PCDHGA5: variants seen among roughly 807,000 people sequenced by gnomAD.
The protein encoded by PCDHGA5 is protocadherin gamma-A5.
A neutral mutation model predicts 56.7 loss-of-function variants in PCDHGA5; 36 were observed. The ratio of observed to expected loss-of-function variants is 0.64; its 90% confidence interval spans 0.49 to 0.84. The LOEUF (loss-of-function observed/expected upper bound fraction) is 0.84, where lower values mean the gene tolerates loss of function less well. Among genes scored for constraint, PCDHGA5 ranks in the 40% least tolerant of loss-of-function variants. The probability of loss-of-function intolerance (pLI) is 0.00; values close to 1 mark genes in which losing one functional copy is unlikely to be tolerated. For missense variants in PCDHGA5, 1,305 were observed against 1,201.5 expected (o/e 1.09, Z -1.27); for synonymous variants, 563 against 520.2 (o/e 1.08, Z -1.12).
chr5:141,392,768 T>C lies in PCDHGA5; in HGVS notation c.2421+26017T>C, dbSNP rs754714050. The C allele has an allele frequency of 1.9e-5, 29 of 1,507,388 alleles. No homozygotes were observed. In the Middle Eastern group the frequency reaches 7.0e-4, roughly 37 times the overall value. 93.4% of individuals were successfully genotyped at this position (1,507,388 alleles called of 1,614,324 possible). On this transcript the variant is annotated intron_variant, in intron 1 of 3. Coordinates refer to ENST00000518069, the MANE Select transcript of PCDHGA5 (RefSeq NM_018918.3). ...GCGGCAAGAAACTAAATAAGACCCA[T>C]TTATGCACAGTGAAGATTCTGAGAG...
rs1167295957 is a variant in PCDHGA5 at position 141,382,977 on chromosome 5, CT to C, written c.2421+16227del. On this transcript the variant is annotated intron_variant, in intron 1 of 3. Coordinates refer to ENST00000518069, the MANE Select transcript of PCDHGA5 (RefSeq NM_018918.3). Reference sequence around the variant, plus strand: ...TCCTCCTGGGGACCCCCTGGGAAGCCTGGGCAGGACGTATTCTCTACTCCGT... The same window carrying C: ...TCCTCCTGGGGACCCCCTGGGAAGCCGGGCAGGACGTATTCTCTACTCCGT... The C allele has an allele frequency of 4.3e-6, 7 of 1,610,566 alleles. No homozygotes were observed. The South Asian group carries it at 7.7e-5, about 18-fold the overall frequency.
Position 141,420,043 on chromosome 5 carries a change from G to T in PCDHGA5, c.2421+53292G>T, listed in dbSNP as rs747553514. On this transcript the variant is annotated intron_variant, in intron 1 of 3. Coordinates refer to ENST00000518069, the MANE Select transcript of PCDHGA5 (RefSeq NM_018918.3). ...GCCCTACTGCAGGAGACTGCTTTGAGTCAGTTCTCTGCTCCAAGTCCGGAC... is the reference window on the plus strand; with the variant it reads ...GCCCTACTGCAGGAGACTGCTTTGATTCAGTTCTCTGCTCCAAGTCCGGAC... The T allele has an allele frequency of 1.9e-6, 3 of 1,614,078 alleles. No individual in the cohort carries two copies. In the Admixed American group the frequency reaches 5.0e-5, roughly 27 times the overall value.
At chr5:141,471,422 A>T (rs919676109) in intron 1 of PCDHGA5, 5 of 152,176 alleles carry the variant, frequency 3.3e-5, no homozygotes, top group Non-Finnish European at 5.9e-5. Context: ...GTTTTTAGCA[A>T]GGAAAGTGTA....
chr5:141,510,359 T>A (rs1229932307), intron 3 of PCDHGA5, among the ~76,000 whole-genome samples: 3 of 143,318 alleles, frequency 2.1e-5, no homozygotes, highest in African/African-American at 7.7e-5. Flanking sequence ...CTAACGGAAC[T>A]ACCGAATCTC....
At position 141,510,973 on chromosome 5, in the gene PCDHGA5, G is replaced by A. The variant is rs1448442252; in HGVS notation, c.2596G>A (p.Gly866Arg). 2 of 1,614,042 alleles carry A rather than the reference G, an allele frequency of 1.2e-6. No individual in the cohort carries two copies. Among genetic ancestry groups the A allele is most frequent in the East Asian group, 2.2e-5 (1 of 44,894 alleles). ...AGCTGCTGATGGGAGCTCCACCCTG[G>A]GAGGGGGTGCCGGCACCATGGGATT... ...SEAADGSSTL[G>R]GGAGTMGLSA... Residue 866 changes from glycine (G) to arginine (R), a missense_variant, in exon 4 of 4, where the codon GGA (glycine) becomes AGA (arginine). Gly to Arg is a moderately radical substitution (Grantham distance 125). Transcript: ENST00000518069.
In PCDHGA5 at chr5:141,493,211, G is replaced by C. The variant is rs1312763933; in HGVS notation, c.2422-1596G>C. Reference sequence around the variant, plus strand: ...CTCCTTTGAGAACCTCATCTCATTTGCTCTTCCCACCATTGCTGTTGGCTA... The same window carrying C: ...CTCCTTTGAGAACCTCATCTCATTTCCTCTTCCCACCATTGCTGTTGGCTA... On this transcript the variant is annotated intron_variant, in intron 1 of 3. Transcript: ENST00000518069. The surrounding 1 kb of genome is among the most constrained non-coding windows in gnomAD (Gnocchi z 4.3). 6.6e-6 allele frequency among the ~76,000 whole-genome samples: 1 copy of C among 152,180 alleles called. No individual in the cohort carries two copies. The highest frequency in any genetic ancestry group is 2.4e-5 in the African/African-American group (1 of 41,436).
chr5:141,375,542 G>GTC (rs767363908), intron 1 of PCDHGA5: 3 of 1,613,976 alleles, frequency 1.9e-6, no homozygotes, highest in Non-Finnish European at 2.5e-6. Flanking sequence ...GAACGCCCAA[G>GTC]TCTCCTACTC....
chr5:141,452,914 TAAGA>T (rs1164409830), intron 1 of PCDHGA5, among the ~76,000 whole-genome samples: 1 of 152,226 alleles, frequency 6.6e-6, no homozygotes, highest in African/African-American at 2.4e-5. Flanking sequence ...CATTATACAG[TAAGA>T]AAGAGCTGCT....
intron 1 of PCDHGA5, among the ~76,000 whole-genome samples, chr5:141,461,756 C>T (rs887460069): frequency 6.6e-6 from 1 of 151,832 alleles, no homozygotes; most frequent in Non-Finnish European, 1.5e-5. Flanking sequence ...CAGATTCAAG[C>T]GATTCTCCTG....
chr5:141,366,886 T>A (rs1332420618), intron 1 of PCDHGA5, 135 bp downstream of exon 1: 16 of 1,296,860 alleles, frequency 1.2e-5, no homozygotes, highest in South Asian at 4.5e-5. Flanking sequence ...TAATTTTTTT[T>A]ATATAATTCA....
Position 141,394,702 on chromosome 5 carries a change from G to A in PCDHGA5, c.2421+27951G>A, listed in dbSNP as rs1246576971. On this transcript the variant is annotated intron_variant, in intron 1 of 3. Coordinates refer to ENST00000518069, the MANE Select transcript of PCDHGA5 (RefSeq NM_018918.3). Reference sequence around the variant, plus strand: ...CACACGGGCGAGGTGCGCACGGCGCGAGCCCTGCTGGACAGAGATGCGCTC... The same window carrying A: ...CACACGGGCGAGGTGCGCACGGCGCAAGCCCTGCTGGACAGAGATGCGCTC... 1.9e-5 allele frequency: 31 copies of A among 1,613,178 alleles called. No homozygotes were observed. Among genetic ancestry groups the A allele is most frequent in the Non-Finnish European group, 2.5e-5 (29 of 1,179,882 alleles).
At chr5:141,510,169 A>G (rs927072830) in intron 3 of PCDHGA5, among the ~76,000 whole-genome samples, 7 of 151,230 alleles carry the variant, frequency 4.6e-5, no homozygotes, top group Non-Finnish European at 1.0e-4. Context: ...GCTACTCAGG[A>G]GGTTGAGGCA....
chr5:141,430,048 A>G (rs2097258677), intron 1 of PCDHGA5, among the ~76,000 whole-genome samples: 1 of 152,222 alleles, frequency 6.6e-6, no homozygotes, highest in African/African-American at 2.4e-5. Flanking sequence ...AATGTATACA[A>G]TCACATATCA....
At chr5:141,409,920 C>G in intron 1 of PCDHGA5, 1 of 1,613,400 alleles carries the variant, frequency 6.2e-7, no homozygotes, top group Non-Finnish European at 8.5e-7. Flanking sequence ...GACGGCTCCG[C>G]GTTCTTCGAT....
chr5:141,495,034 A>C (rs986393420), intron 2 of PCDHGA5, 169 bp downstream of exon 2: 1 of 962,702 alleles, frequency 1.0e-6, no homozygotes, highest in Non-Finnish European at 1.2e-6. Context: ...CCCCGGAAGG[A>C]AGAGGCGACT....
chr5:141,447,433 C>G (rs756021616), intron 1 of PCDHGA5, among the ~76,000 whole-genome samples: 1 of 152,118 alleles, frequency 6.6e-6, no homozygotes. Context: ...CCACCGCACC[C>G]GGAGGAAATT....
At chr5:141,402,788 C>A in intron 1 of PCDHGA5, 1 of 937,148 alleles carries the variant, frequency 1.1e-6, no homozygotes, top group Non-Finnish European at 1.5e-6. Flanking sequence ...AGTTCTGCGG[C>A]TACACAAAAC....
chr5:141,484,922 GC>G (rs869160673), intron 1 of PCDHGA5: 1 of 481,378 alleles, frequency 2.1e-6, no homozygotes, highest in South Asian at 2.8e-5. Context: ...TAACCCTGCT[GC>G]TGTTGGGACG....
chr5:141,451,233 T>A (rs1431967203), intron 1 of PCDHGA5, among the ~76,000 whole-genome samples: 1 of 152,216 alleles, frequency 6.6e-6, no homozygotes, highest in African/African-American at 2.4e-5. Flanking sequence ...GCATTTATTA[T>A]CTCATAAATT....
Sources: gnomAD v4.1 joint callset for allele counts (sites outside exome capture counted in the v4.1 genomes callset) on GRCh38, gnomAD v4.1.1 for gene constraint, Gnocchi (gnomAD v3.1) non-coding constraint, MANE v1.5 for transcripts, NCBI Gene and HGNC (gene_info 2026-07-23, HGNC 2026-07-21) for gene names.